The following APBA2 variants were observed in gnomAD, a reference collection of about 807,000 sequenced individuals.
APBA2 encodes the protein amyloid-beta A4 precursor protein-binding family A member 2.
Under a neutral mutation model 75.0 loss-of-function variants are expected in APBA2, and 30 were observed. That is an observed-to-expected ratio of 0.40 (90% CI 0.30 to 0.54). The LOEUF is 0.54. APBA2 is among the 20% of genes least tolerant of loss of function. The pLI, the probability that APBA2 is intolerant of heterozygous loss-of-function variation, is 0.49. For synonymous variants in APBA2, 444 were observed against 409.6 expected (o/e 1.08, Z -1.01); for missense variants, 801 against 1,016.1 (o/e 0.79, Z 2.88).
At chr15:29,058,292 C>T (rs2041990324) in intron 4 of APBA2, among the ~76,000 whole-genome samples, 1 of 152,080 alleles carries the variant, frequency 6.6e-6, no homozygotes, top group Non-Finnish European at 1.5e-5. Flanking sequence ...GGGCAAATCA[C>T]CTGAGGTCAG....
intron 4 of APBA2, among the ~76,000 whole-genome samples, chr15:29,074,653 A>G (rs534090240): frequency 1.3e-5 from 2 of 152,346 alleles, no homozygotes; most frequent in African/African-American, 2.4e-5. Context: ...AAATGGTCAA[A>G]TGGTGAACTT....
chr15:28,896,069 C>A (rs1379329692), intron 1 of APBA2, among the ~76,000 whole-genome samples: 1 of 152,060 alleles, frequency 6.6e-6, no homozygotes, highest in Non-Finnish European at 1.5e-5. Flanking sequence ...GCTGTGACTG[C>A]GTCACTCTAC....
At chr15:29,101,560 G>C in intron 9 of APBA2, 39 bp from the exon 10 acceptor site, 1 of 1,598,052 alleles carries the variant, frequency 6.3e-7, no homozygotes, top group East Asian at 2.3e-5. Flanking sequence ...GATTGTCCCA[G>C]TAGTGTTCCC....
chr15:28,967,285 C>T (rs2036789033), intron 2 of APBA2, among the ~76,000 whole-genome samples: 1 of 152,072 alleles, frequency 6.6e-6, no homozygotes, highest in African/African-American at 2.4e-5. Context: ...ATCATAACCA[C>T]AATCTAATGT....
intron 3 of APBA2, among the ~76,000 whole-genome samples, chr15:29,003,682 G>A (rs2038967977): frequency 6.6e-6 from 1 of 152,228 alleles, no homozygotes; most frequent in South Asian, 2.1e-4. Flanking sequence ...TTGGGACCTG[G>A]CCAGGCAAGC....
Position 28,929,782 on chromosome 15 carries a change from T to G in APBA2, c.-95+8033T>G, listed in dbSNP as rs540595242. Among the ~76,000 whole-genome samples, 15 of 152,348 alleles carry G rather than the reference T, an allele frequency of 9.8e-5. No individual in the cohort carries two copies. The South Asian group carries it at 2.7e-3, about 27-fold the overall frequency. On this transcript the variant is annotated intron_variant, in intron 2 of 14. Coordinates refer to ENST00000683413, the MANE Select transcript of APBA2 (RefSeq NM_001353788.2). Reference sequence around the variant, plus strand: ...ATCCATGTCTTGTTGATGGTCCCACTGCCAGCATCAGTTCTTATGAACAGA... The same window carrying G: ...ATCCATGTCTTGTTGATGGTCCCACGGCCAGCATCAGTTCTTATGAACAGA...
Position 29,106,701 on chromosome 15 carries a change from T to C in APBA2, c.1799T>C (p.Met600Thr), listed in dbSNP as rs1387400563. The C allele has an allele frequency of 6.2e-7, 1 of 1,612,974 alleles. No homozygotes were observed. Among genetic ancestry groups the C allele is most frequent in the South Asian group, 1.1e-5 (1 of 91,060 alleles). The stretch of plus-strand genomic sequence containing the variant: ...CTGCCCACGGTGATCCTGGCCAACA[T>C]GATGAATGGCGGCCCGGCTGCCCGC... ...SILPTVILANMMNGGPAARSG... is the reference protein window; with the variant it reads ...SILPTVILANTMNGGPAARSG... The change falls in exon 12 of 15, where the codon ATG becomes ACG. Residue 600 changes from methionine (M) to threonine (T), a missense_variant. Met to Thr is a moderately conservative substitution (Grantham distance 81, BLOSUM62 -1). Coordinates refer to ENST00000683413, the MANE Select transcript of APBA2 (RefSeq NM_001353788.2).
chr15:28,988,915 A>G (rs1371683997), intron 2 of APBA2, among the ~76,000 whole-genome samples: 1 of 152,232 alleles, frequency 6.6e-6, no homozygotes, highest in African/African-American at 2.4e-5. Flanking sequence ...TCCCACTGAC[A>G]GCGTATGAGT....
intron 3 of APBA2, among the ~76,000 whole-genome samples, chr15:29,015,194 T>C (rs1405459492): frequency 6.6e-6 from 1 of 152,170 alleles, no homozygotes; most frequent in Non-Finnish European, 1.5e-5. Context: ...AGCATACCTG[T>C]TTCTGAGTGC....
At chr15:29,016,397 G>A (rs775023042) in intron 3 of APBA2, among the ~76,000 whole-genome samples, 5 of 152,114 alleles carry the variant, frequency 3.3e-5, no homozygotes, top group African/African-American at 4.8e-5. Context: ...ACAAATTCAC[G>A]CTTATTATTT....
chr15:29,059,658 T>C (rs548423322), intron 4 of APBA2, among the ~76,000 whole-genome samples: 1 of 152,170 alleles, frequency 6.6e-6, no homozygotes, highest in Non-Finnish European at 1.5e-5. Context: ...AAAACAAGGT[T>C]CTGTGTTGAT....
chr15:29,115,921 G>T (rs918387192), intron 14 of APBA2, among the ~76,000 whole-genome samples: 12 of 152,202 alleles, frequency 7.9e-5, no homozygotes, highest in Non-Finnish European at 1.6e-4. Flanking sequence ...GCTGCACCCC[G>T]TGGGGAGGCC....
chr15:29,107,000 C>T (rs1394930601), intron 12 of APBA2, among the ~76,000 whole-genome samples, 181 bp downstream of exon 12: 1 of 152,160 alleles, frequency 6.6e-6, no homozygotes, highest in Non-Finnish European at 1.5e-5. Flanking sequence ...AAGACCATTC[C>T]CCATGTCTGA....
At chr15:28,993,336 G>A (rs2038337434) in intron 2 of APBA2, among the ~76,000 whole-genome samples, 1 of 152,232 alleles carries the variant, frequency 6.6e-6, no homozygotes, top group African/African-American at 2.4e-5. Flanking sequence ...GCAAGGACAG[G>A]ACACTCCTGC....
chr15:28,960,923 C>T (rs1023557743), intron 2 of APBA2, among the ~76,000 whole-genome samples: 3 of 151,962 alleles, frequency 2.0e-5, no homozygotes, highest in Non-Finnish European at 4.4e-5. Flanking sequence ...CCATGCCTGG[C>T]TAATTTTGTA....
chr15:28,952,577 G>A (rs1213232444), intron 2 of APBA2, among the ~76,000 whole-genome samples: 1 of 152,158 alleles, frequency 6.6e-6, no homozygotes, highest in Non-Finnish European at 1.5e-5. Flanking sequence ...TTTAAGACAT[G>A]TACAAATATG....
intron 1 of APBA2, among the ~76,000 whole-genome samples, chr15:28,915,554 A>G (rs1490636322): frequency 2.7e-5 from 4 of 149,884 alleles, no homozygotes; most frequent in African/African-American, 9.9e-5. Context: ...CACACATCAC[A>G]CCATACTCTA....
chr15:28,969,241 CA>C (rs1374440955), intron 2 of APBA2, among the ~76,000 whole-genome samples: 2 of 150,850 alleles, frequency 1.3e-5, no homozygotes, highest in African/African-American at 4.9e-5. Flanking sequence ...GATCCAGTGG[CA>C]CAATCTCGGC....
chr15:29,104,928 A>AC (rs567101348), intron 10 of APBA2, among the ~76,000 whole-genome samples: 286 of 151,732 alleles, frequency 1.9e-3, no homozygotes, highest in African/African-American at 6.2e-3. Flanking sequence ...CTACAAGAAA[A>AC]CTTTTTTTAA....
Sources: allele counts gnomAD v4.1 joint callset (sites outside exome capture counted in the v4.1 genomes callset), GRCh38; gene constraint gnomAD v4.1.1; transcripts MANE v1.5; gene names NCBI Gene and HGNC (gene_info 2026-07-23, HGNC 2026-07-21).